The following MYO1E variants were observed in gnomAD, a reference collection of about 807,000 sequenced individuals.
MYO1E encodes the protein myosin IE.
MYO1E carries 68 observed loss-of-function variants against 151.1 expected under a neutral mutation model. That is an observed-to-expected ratio of 0.45 (90% CI 0.37 to 0.55). The LOEUF (loss-of-function observed/expected upper bound fraction) is 0.55, where lower values mean the gene tolerates loss of function less well. Ranked by LOEUF, MYO1E falls within the 20% of genes least tolerant of loss-of-function variation. The pLI, the probability that MYO1E is intolerant of heterozygous loss-of-function variation, is 0.00. For missense variants in MYO1E, 1,363 were observed against 1,389.3 expected (o/e 0.98, Z 0.30); for synonymous variants, 601 against 501.7 (o/e 1.20, Z -2.64).
chr15:59,146,488 G>A (rs766160717), intron 26 of MYO1E, among the ~76,000 whole-genome samples: 2 of 151,778 alleles, frequency 1.3e-5, no homozygotes, highest in African/African-American at 4.8e-5. Flanking sequence ...ACTAATTTTT[G>A]TATTTTTAGT....
At chr15:59,327,867 G>A (rs7170687) in intron 1 of MYO1E, among the ~76,000 whole-genome samples, 4,916 of 152,276 alleles carry the variant, frequency 0.032, 258 homozygotes, top group African/African-American at 0.11. Context: ...TTAAGGAAAG[G>A]CCAGGGTGGA....
intron 4 of MYO1E, among the ~76,000 whole-genome samples, chr15:59,245,264 CGA>C (rs1423144798): frequency 6.6e-6 from 1 of 152,188 alleles, no homozygotes; most frequent in Non-Finnish European, 1.5e-5. Context: ...GCAAAGAGCA[CGA>C]GAGACCCACG....
intron 1 of MYO1E, among the ~76,000 whole-genome samples, chr15:59,293,545 A>G (rs1433279706): frequency 7.1e-6 from 1 of 140,010 alleles, no homozygotes; most frequent in East Asian, 2.0e-4. Context: ...GACTCCCTCT[A>G]AAAAAAAAAA....
intron 3 of MYO1E, among the ~76,000 whole-genome samples, chr15:59,260,397 G>T (rs960274037): frequency 3.3e-5 from 5 of 152,346 alleles, no homozygotes; most frequent in Middle Eastern, 3.4e-3. Flanking sequence ...CAACAATGGG[G>T]TGGGCTCTTG....
At position 59,161,154 on chromosome 15, in the gene MYO1E, C is replaced by T. The variant is rs2079535983; in HGVS notation, c.2704G>A (p.Gly902Arg). The change falls in exon 24 of 28, where the codon GGG becomes AGG. Residue 902 changes from glycine to arginine, a missense_variant. Coordinates refer to ENST00000288235, the MANE Select transcript of MYO1E (RefSeq NM_004998.4). ...GGSRQVQFHQ[G>R]FGDLAVLKPS... ...TTGAGGACAGCCAGGTCCCCAAACCCTTGGTGGAACTGCACTTGCCGGGAG... is the reference window on the plus strand; with the variant it reads ...TTGAGGACAGCCAGGTCCCCAAACCTTTGGTGGAACTGCACTTGCCGGGAG... 1.2e-6 allele frequency: 2 copies of T among 1,614,100 alleles called. No individual in the cohort carries two copies. Among genetic ancestry groups the T allele is most frequent in the Non-Finnish European group, 1.7e-6 (2 of 1,180,018 alleles).
chr15:59,162,196 C>A (rs1051102117), intron 23 of MYO1E, among the ~76,000 whole-genome samples: 1 of 152,074 alleles, frequency 6.6e-6, no homozygotes, highest in Non-Finnish European at 1.5e-5. Context: ...CCACCATACT[C>A]GGCTAATTTT....
rs1274550593 is a variant in MYO1E at position 59,135,881 on chromosome 15, T to G, written c.*1499A>C. ...ACAACCATTCCATTATTGATGGGCA[T>G]TACACTGATTCCAGCTTTTCACTAT... is the stretch of plus-strand genomic sequence containing the variant. On this transcript the variant is annotated 3_prime_UTR_variant, in exon 28 of 28. Transcript: ENST00000288235. 6.6e-6 allele frequency: 1 copy of G among 152,228 alleles called. No individual in the cohort carries two copies. The highest frequency in any genetic ancestry group is 2.4e-5 in the African/African-American group (1 of 41,456). The allele number at this position is 152,228 out of a possible 1,614,324, so 9.4% of individuals were successfully genotyped here.
chr15:59,209,035 G>C, intron 13 of MYO1E, 187 bp from the exon 14 acceptor site: 1 of 706,758 alleles, frequency 1.4e-6, no homozygotes, highest in Non-Finnish European at 2.4e-6. Context: ...TAGATCTAAA[G>C]AGGGAGGAAA....
rs1429255707 is a variant in MYO1E, at chr15:59,280,855, C to G, written c.4-8406G>C. Among the ~76,000 whole-genome samples, 6 of 152,214 alleles carry G rather than the reference C, an allele frequency of 3.9e-5. No individual in the cohort carries two copies. In the East Asian group the frequency reaches 7.7e-4, roughly 20 times the overall value. On this transcript the variant is annotated intron_variant, in intron 1 of 27. Transcript: ENST00000288235. ...AAATATTATAAAAATTTTGATTACT[C>G]TGGAAGCATTGTACCAAATACTAAT...
chr15:59,293,729 A>T (rs1175397816), intron 1 of MYO1E, among the ~76,000 whole-genome samples: 3 of 152,142 alleles, frequency 2.0e-5, no homozygotes, highest in African/African-American at 7.2e-5. Context: ...GATGTAGCAA[A>T]AACAAAACAA....
chr15:59,274,704 A>G (rs1051556268), intron 1 of MYO1E, among the ~76,000 whole-genome samples: 3 of 152,168 alleles, frequency 2.0e-5, no homozygotes, highest in African/African-American at 7.2e-5. Context: ...GCGTAACCCA[A>G]GTTTGTCTCA....
chr15:59,359,153 C>T (rs1342381179), intron 1 of MYO1E, among the ~76,000 whole-genome samples: 2 of 151,836 alleles, frequency 1.3e-5, no homozygotes, highest in East Asian at 1.9e-4. Flanking sequence ...AGGTTGGGCA[C>T]AGTAGCTGTC....
intron 4 of MYO1E, among the ~76,000 whole-genome samples, chr15:59,245,462 T>C (rs1235271254): frequency 6.6e-6 from 1 of 152,234 alleles, no homozygotes; most frequent in African/African-American, 2.4e-5. Context: ...CCCACTGATG[T>C]ACCTTCAAAA....
rs1322636127 is a variant in MYO1E at position 59,243,841 on chromosome 15, C to T, written c.333-7169G>A. ...AAAGTAATTCTGCGAGAATGAGAAA[C>T]CACATCAAAGAAGGTCCTGGACAGT... On this transcript the variant is annotated intron_variant, in intron 4 of 27. Transcript: ENST00000288235. 2.0e-5 allele frequency among the ~76,000 whole-genome samples: 3 copies of T among 151,858 alleles called. No individual in the cohort carries two copies. In the East Asian group the frequency reaches 5.8e-4, roughly 29 times the overall value.
At chr15:59,191,956 G>A (rs1294348405) in intron 17 of MYO1E, among the ~76,000 whole-genome samples, 4 of 152,316 alleles carry the variant, frequency 2.6e-5, no homozygotes, top group African/African-American at 9.6e-5. Context: ...AACCTTGCCA[G>A]AAGCCAAACA....
At chr15:59,205,310 A>T in intron 15 of MYO1E, 90 bp downstream of exon 15, 1 of 1,275,266 alleles carries the variant, frequency 7.8e-7, no homozygotes, top group Non-Finnish European at 1.1e-6. Flanking sequence ...CTATAGGAAC[A>T]CACCACCACA....
chr15:59,245,717 G>A (rs1453746977), intron 4 of MYO1E, among the ~76,000 whole-genome samples: 1 of 152,174 alleles, frequency 6.6e-6, no homozygotes, highest in African/African-American at 2.4e-5. Context: ...GGCCAAAAGT[G>A]ATAAGAATTC....
At chr15:59,347,422 G>T (rs142529793) in intron 1 of MYO1E, among the ~76,000 whole-genome samples, 24 of 152,272 alleles carry the variant, frequency 1.6e-4, no homozygotes, top group African/African-American at 5.8e-4. Flanking sequence ...GCTCTAGAGG[G>T]TTCATGCTAC....
At chr15:59,284,545 G>A (rs1392613209) in intron 1 of MYO1E, among the ~76,000 whole-genome samples, 1 of 151,604 alleles carries the variant, frequency 6.6e-6, no homozygotes, top group Non-Finnish European at 1.5e-5. Flanking sequence ...AACCTCCAGG[G>A]CTCAATTAAT....
Sources: gnomAD v4.1 joint callset for allele counts (sites outside exome capture counted in the v4.1 genomes callset) on GRCh38, gnomAD v4.1.1 for gene constraint, MANE v1.5 for transcripts, NCBI Gene and HGNC (gene_info 2026-07-23, HGNC 2026-07-21) for gene names.